The following MYO16 variants were observed in gnomAD, a reference collection of about 807,000 sequenced individuals.
MYO16 encodes myosin XVI, also known as unconventional myosin-XVI.
A neutral mutation model predicts 205.3 loss-of-function variants in MYO16; 94 were observed. The observed-to-expected ratio is 0.46, with a 90% CI of 0.39 to 0.54. The LOEUF is 0.54. Ranked by LOEUF, MYO16 falls within the 20% of genes least tolerant of loss-of-function variation. The pLI is 0.00. For synonymous variants in MYO16, 988 were observed against 954.0 expected (o/e 1.04, Z -0.66); for missense variants, 2,315 against 2,387.5 (o/e 0.97, Z 0.63).
chr13:109,081,495 C>T (rs1888279714), intron 27 of MYO16, among the ~76,000 whole-genome samples: 1 of 152,120 alleles, frequency 6.6e-6, no homozygotes, highest in African/African-American at 2.4e-5. Flanking sequence ...ACACCCCGCA[C>T]TGTGGTGGGG....
intron 34 of MYO16, among the ~76,000 whole-genome samples, chr13:109,181,825 TA>T (rs201918851): frequency 1.7e-3 from 256 of 150,666 alleles, no homozygotes; most frequent in African/African-American, 5.3e-3. Flanking sequence ...TATTTTATTT[TA>T]TTTTTTTTTT....
At chr13:109,026,303 G>A (rs950550617) in intron 23 of MYO16, among the ~76,000 whole-genome samples, 4 of 152,034 alleles carry the variant, frequency 2.6e-5, no homozygotes, top group Non-Finnish European at 5.9e-5. Flanking sequence ...TGGTCTCTAC[G>A]TCCAAAACCT....
At chr13:108,924,132 C>T (rs1375103162) in intron 16 of MYO16, among the ~76,000 whole-genome samples, 12 of 152,176 alleles carry the variant, frequency 7.9e-5, no homozygotes, top group African/African-American at 2.7e-4. Flanking sequence ...TGTTTATATA[C>T]ATTAAAAATT....
chr13:109,030,134 G>T (rs1886502238), intron 23 of MYO16, among the ~76,000 whole-genome samples: 1 of 144,598 alleles, frequency 6.9e-6, no homozygotes, highest in Non-Finnish European at 1.5e-5. Flanking sequence ...TTGTTAATTA[G>T]TATTCATCAA....
chr13:108,949,254 C>G (rs899865054), intron 16 of MYO16, among the ~76,000 whole-genome samples: 3 of 151,976 alleles, frequency 2.0e-5, no homozygotes, highest in African/African-American at 7.3e-5. Flanking sequence ...AAAGAAGGCA[C>G]CATCAGGCTT....
At chr13:109,106,437 C>T (rs1017353836) in intron 28 of MYO16, among the ~76,000 whole-genome samples, 24 of 152,178 alleles carry the variant, frequency 1.6e-4, no homozygotes, top group African/African-American at 5.6e-4. Context: ...AGAAGAGTGA[C>T]TGGACAGCAG....
At chr13:108,943,713 A>C (rs560047043) in intron 16 of MYO16, among the ~76,000 whole-genome samples, 2 of 152,154 alleles carry the variant, frequency 1.3e-5, no homozygotes, top group Admixed American at 1.3e-4. Flanking sequence ...GGCCTCCCAA[A>C]GTGCTGGGAT....
intron 16 of MYO16, among the ~76,000 whole-genome samples, chr13:108,927,389 G>A (rs887899080): frequency 3.3e-5 from 5 of 152,068 alleles, no homozygotes; most frequent in South Asian, 2.1e-4. Flanking sequence ...ACTTCCTGAT[G>A]CCTCTGGTAT....
intron 16 of MYO16, among the ~76,000 whole-genome samples, chr13:108,910,804 G>A (rs1881218037): frequency 6.6e-6 from 1 of 152,130 alleles, no homozygotes; most frequent in South Asian, 2.1e-4. Flanking sequence ...CTGAAGAGAA[G>A]TTGGTGGGAA....
At chr13:109,094,589 G>T (rs191369879) in intron 27 of MYO16, among the ~76,000 whole-genome samples, 1 of 152,094 alleles carries the variant, frequency 6.6e-6, no homozygotes, top group Non-Finnish European at 1.5e-5. Flanking sequence ...GGTTTGTTAC[G>T]TAGGTATACA....
At chr13:108,526,519 C>T in the MYO16 span, among the ~76,000 whole-genome samples, 6 of 151,996 alleles carry the variant, frequency 3.9e-5, no homozygotes, top group East Asian at 9.6e-4. Context: ...ATGGTTTAAG[C>T]GCGTTGAAAT....
chr13:109,173,852 C>T (rs1212036639), intron 33 of MYO16, among the ~76,000 whole-genome samples: 4 of 129,542 alleles, frequency 3.1e-5, no homozygotes, highest in South Asian at 2.6e-4. Context: ...CGCGCCACTG[C>T]GCTCCAGCCT....
the MYO16 span, among the ~76,000 whole-genome samples, chr13:108,569,466 A>G: frequency 6.6e-6 from 1 of 152,128 alleles, no homozygotes; most frequent in Non-Finnish European, 1.5e-5. Flanking sequence ...TTGTTAGCAT[A>G]TAAAAATACA....
rs569933467 is a variant in MYO16, at chr13:108,922,764, G to A, written c.1925+12614G>A. ...AATGTGTGTTTATGTGTGTGCACAG[G>A]AATCTGAAATGACCTTCTATGCCAT... On this transcript the variant is annotated intron_variant, in intron 16 of 34. Coordinates refer to ENST00000457511, the MANE Select transcript of MYO16 (RefSeq NM_001198950.3). 7.2e-5 allele frequency among the ~76,000 whole-genome samples: 11 copies of A among 152,310 alleles called. No individual in the cohort carries two copies. In the East Asian group the frequency reaches 2.1e-3, roughly 29 times the overall value.
Position 108,910,100 on chromosome 13 carries a change from A to G in MYO16, c.1875A>G (p.Leu625=), listed in dbSNP as rs1244935975. Residue 625 remains leucine (L), a synonymous_variant, in exon 16 of 35, where the codon TTA becomes TTG. Transcript: ENST00000457511. ...FLIFYLLMDG[L]SAEEKYGLHL... Reference sequence around the variant, plus strand: ...TTTTCTACTTGTTGATGGATGGGTTATCTGCTGAAGAAAAATATGGACTTC... The same window carrying G: ...TTTTCTACTTGTTGATGGATGGGTTGTCTGCTGAAGAAAAATATGGACTTC... 6.2e-7 allele frequency: 1 copy of G among 1,613,376 alleles called. No individual in the cohort carries two copies. The highest frequency in any genetic ancestry group is 8.5e-7 in the Non-Finnish European group (1 of 1,179,596).
intron 16 of MYO16, among the ~76,000 whole-genome samples, chr13:108,924,853 A>G (rs941153848): frequency 1.1e-4 from 17 of 152,248 alleles, no homozygotes; most frequent in Non-Finnish European, 2.1e-4. Context: ...TATTCAGTTT[A>G]ACCTTTTCAC....
the MYO16 span, among the ~76,000 whole-genome samples, chr13:108,571,041 G>A: frequency 6.6e-6 from 1 of 152,060 alleles, no homozygotes; most frequent in Non-Finnish European, 1.5e-5. Flanking sequence ...AGGTAAGTTT[G>A]AGTAAATATA....
intron 33 of MYO16, among the ~76,000 whole-genome samples, chr13:109,168,920 A>T (rs763207328): frequency 6.6e-6 from 1 of 152,116 alleles, no homozygotes; most frequent in South Asian, 2.1e-4. Flanking sequence ...ATGTGGCTGT[A>T]TGGCATCGTG....
intron 27 of MYO16, among the ~76,000 whole-genome samples, chr13:109,072,384 T>C (rs1181442238): frequency 1.3e-5 from 2 of 152,186 alleles, no homozygotes; most frequent in Non-Finnish European, 2.9e-5. Context: ...AGCTGAGTGA[T>C]ATTTACAAGC....
Sources: allele counts gnomAD v4.1 joint callset (sites outside exome capture counted in the v4.1 genomes callset), GRCh38; gene constraint gnomAD v4.1.1; transcripts MANE v1.5; gene names NCBI Gene and HGNC (gene_info 2026-07-23, HGNC 2026-07-21).